SGCD: variants seen among roughly 807,000 people sequenced by gnomAD.
SGCD encodes the protein sarcoglycan delta.
SGCD carries 18 observed loss-of-function variants against 36.6 expected under a neutral mutation model. The ratio of observed to expected loss-of-function variants is 0.49; its 90% CI spans 0.34 to 0.73. The LOEUF (loss-of-function observed/expected upper bound fraction) is 0.73, where lower values mean the gene tolerates loss of function less well. Among genes scored for constraint, SGCD ranks in the 30% least tolerant of loss-of-function variants. SGCD has a pLI of 0.01. For synonymous variants in SGCD, 133 were observed against 130.6 expected, an observed-to-expected ratio of 1.02 and a Z score of -0.12; for missense variants, 387 against 346.7, an observed-to-expected ratio of 1.12 and a Z score of -0.92.
chr5:156,612,229 G>A (rs975007727), intron 6 of SGCD, among the ~76,000 whole-genome samples: 2 of 152,178 alleles, frequency 1.3e-5, no homozygotes, highest in Non-Finnish European at 2.9e-5. Flanking sequence ...TGAAGGGAGA[G>A]ACATTTTCCT....
Position 156,554,366 on chromosome 5 carries a change from AAAAG to A in SGCD, c.295-34862_295-34859del, listed in dbSNP as rs1758922423. On this transcript the variant is annotated intron_variant, in intron 4 of 8. Coordinates refer to ENST00000337851, the MANE Select transcript of SGCD (RefSeq NM_000337.6). ...CGAGAGTCTGTCTCAAAAAAAAAAA[AAAAG>A]AATTTTGAAAGAGGGGTACCATGTA... Among the ~76,000 whole-genome samples, 3 of 151,988 alleles carry A rather than the reference AAAAG, an allele frequency of 2.0e-5. No individual in the cohort carries two copies. The South Asian group carries it at 6.2e-4, about 32-fold the overall frequency.
intron 1 of SGCD, among the ~76,000 whole-genome samples, chr5:155,941,176 G>A (rs2113410482): frequency 6.6e-6 from 1 of 152,276 alleles, no homozygotes; most frequent in Middle Eastern, 3.4e-3. Context: ...CCACTCTCGA[G>A]ATAACTAACA....
chr5:156,697,464 C>A (rs1754364876), intron 7 of SGCD, among the ~76,000 whole-genome samples: 1 of 152,146 alleles, frequency 6.6e-6, no homozygotes, highest in Non-Finnish European at 1.5e-5. Context: ...CCCTCTCCCC[C>A]AAATCTCATA....
intron 7 of SGCD, among the ~76,000 whole-genome samples, chr5:156,723,057 C>T (rs1426327159): frequency 6.6e-6 from 1 of 152,184 alleles, no homozygotes; most frequent in African/African-American, 2.4e-5. Context: ...TCTGAGTAGT[C>T]CTTTGCCTAG....
At chr5:156,159,934 G>A (rs1007341050) in intron 3 of SGCD, among the ~76,000 whole-genome samples, 2 of 151,466 alleles carry the variant, frequency 1.3e-5, no homozygotes. Context: ...ATCAAGAAAA[G>A]CTGACATATT....
intron 1 of SGCD, among the ~76,000 whole-genome samples, chr5:156,015,190 A>T (rs1454681024): frequency 2.0e-5 from 3 of 152,212 alleles, no homozygotes. Flanking sequence ...GGTTCTCTAA[A>T]GTAAGGAAAA....
chr5:155,846,752 A>C, the SGCD span, among the ~76,000 whole-genome samples: 2 of 152,202 alleles, frequency 1.3e-5, no homozygotes, highest in Admixed American at 6.5e-5. Context: ...GAAATAATGG[A>C]AAATAATATT....
intron 3 of SGCD, among the ~76,000 whole-genome samples, chr5:156,422,852 T>C (rs1234370130): frequency 6.6e-6 from 1 of 151,928 alleles, no homozygotes; most frequent in African/African-American, 2.4e-5. Context: ...CTTGTCCCAG[T>C]TGAGAACCAC....
the SGCD span, among the ~76,000 whole-genome samples, chr5:155,819,391 G>T: frequency 6.6e-6 from 1 of 152,024 alleles, no homozygotes. Context: ...TTATATTAAC[G>T]ATCTCTCACT....
intron 1 of SGCD, among the ~76,000 whole-genome samples, chr5:156,074,246 T>C (rs563095926): frequency 7.2e-4 from 109 of 152,116 alleles, no homozygotes; most frequent in Non-Finnish European, 1.3e-3. Context: ...GGTTCTGTGG[T>C]ATGGATGAAA....
chr5:156,552,430 G>T (rs1367215374), intron 4 of SGCD, among the ~76,000 whole-genome samples: 2 of 152,160 alleles, frequency 1.3e-5, no homozygotes, highest in Non-Finnish European at 2.9e-5. Flanking sequence ...GTTCATGTTT[G>T]CCATCCCTTC....
At chr5:156,008,591 G>T (rs557422625) in intron 1 of SGCD, among the ~76,000 whole-genome samples, 2 of 152,186 alleles carry the variant, frequency 1.3e-5, no homozygotes, top group South Asian at 4.2e-4. Context: ...GCCCAGGCTG[G>T]TCTCAAATTC....
At chr5:156,717,445 T>C (rs1021622729) in intron 7 of SGCD, among the ~76,000 whole-genome samples, 19 of 152,194 alleles carry the variant, frequency 1.2e-4, no homozygotes, top group African/African-American at 4.3e-4. Flanking sequence ...TGCAGTGCCT[T>C]GTCTCATTGT....
At chr5:155,774,504 T>C in the SGCD span, among the ~76,000 whole-genome samples, 1 of 152,188 alleles carries the variant, frequency 6.6e-6, no homozygotes, top group Non-Finnish European at 1.5e-5. Flanking sequence ...TTCACTGTGC[T>C]GAAGTCAAAG....
At chr5:156,420,962 A>G (rs1265232986) in intron 3 of SGCD, among the ~76,000 whole-genome samples, 2 of 152,106 alleles carry the variant, frequency 1.3e-5, no homozygotes, top group East Asian at 1.9e-4. Flanking sequence ...ATTCAGCTCA[A>G]TCAGGTGTCT....
At chr5:156,546,856 G>A (rs983143291) in intron 4 of SGCD, among the ~76,000 whole-genome samples, 1 of 152,168 alleles carries the variant, frequency 6.6e-6, no homozygotes, top group Admixed American at 6.5e-5. Flanking sequence ...AAAAGTTTTG[G>A]TGGAGAGGGA....
chr5:156,194,114 G>A (rs1183680600), intron 3 of SGCD, among the ~76,000 whole-genome samples: 1 of 152,204 alleles, frequency 6.6e-6, no homozygotes, highest in African/African-American at 2.4e-5. Flanking sequence ...TGTGGCTCAT[G>A]CCTGTAATCC....
chr5:156,154,653 G>A (rs1356504968), intron 3 of SGCD, among the ~76,000 whole-genome samples: 1 of 151,510 alleles, frequency 6.6e-6, no homozygotes, highest in African/African-American at 2.4e-5. Flanking sequence ...AGAACCATGG[G>A]AGACAAAAAT....
chr5:156,375,886 AT>A (rs1279808788), intron 3 of SGCD, among the ~76,000 whole-genome samples: 21 of 152,216 alleles, frequency 1.4e-4, no homozygotes, highest in African/African-American at 4.8e-4. Flanking sequence ...TTGCTTTAAA[AT>A]TTTCTCTTTT....
Sources: gnomAD v4.1 joint callset for allele counts (sites outside exome capture counted in the v4.1 genomes callset) on GRCh38, gnomAD v4.1.1 for gene constraint, MANE v1.5 for transcripts, NCBI Gene and HGNC (gene_info 2026-07-23, HGNC 2026-07-21) for gene names.